The following TDRD1 variants were observed in gnomAD, a reference collection of about 807,000 sequenced individuals.
The protein encoded by TDRD1 is tudor domain-containing protein 1.
In TDRD1, 37 loss-of-function variants were observed where a neutral mutation model predicts 140.6. That is an observed-to-expected ratio of 0.26 (90% confidence interval 0.20 to 0.35). TDRD1 has a LOEUF of 0.35. Ranked by LOEUF, TDRD1 falls within the 10% of genes least tolerant of loss-of-function variation. The pLI is 1.00. For missense variants in TDRD1, 1,243 were observed against 1,393.0 expected (o/e 0.89, Z 1.71); for synonymous variants, 506 against 475.7 (o/e 1.06, Z -0.83).
chr10:114,176,012 G>C (rs922944629), upstream of TDRD1, among the ~76,000 whole-genome samples: 2 of 152,118 alleles, frequency 1.3e-5, no homozygotes, highest in South Asian at 4.1e-4. This position sits in a 1 kb window ranked among gnomAD's most constrained non-coding sequence, Gnocchi z 4.2. Flanking sequence ...ATTGCAGAAA[G>C]AAAGATAGAT....
exon 3 of TDRD1, chr10:114,191,015 A>G: frequency 6.2e-7 from 1 of 1,613,834 alleles, no homozygotes; most frequent in Middle Eastern, 1.7e-4. Flanking sequence ...AAAGAAGTGA[A>G]TATTGTAAGT....
intron 22 of TDRD1, among the ~76,000 whole-genome samples, chr10:114,226,637 A>G (rs2036454098): frequency 6.6e-6 from 1 of 152,230 alleles, no homozygotes; most frequent in Admixed American, 6.5e-5. Context: ...TGAAAGATAA[A>G]TCTGCATATA....
At chr10:114,175,573 A>G (rs2032675840), upstream of TDRD1, among the ~76,000 whole-genome samples, 1 of 152,228 alleles carries the variant, frequency 6.6e-6, no homozygotes, top group Non-Finnish European at 1.5e-5. Context: ...TCTAAAGAGC[A>G]TTGCCCAAAA....
At chr10:114,197,538 C>G (rs760614167) in intron 3 of TDRD1, among the ~76,000 whole-genome samples, 13 of 148,178 alleles carry the variant, frequency 8.8e-5, no homozygotes, top group Non-Finnish European at 1.9e-4. Flanking sequence ...TTTTTGTCAT[C>G]TTGATGTTGG....
At chr10:114,228,240 T>C (rs1046045694) in intron 25 of TDRD1, 8 of 1,444,358 alleles carry the variant, frequency 5.5e-6, no homozygotes, top group East Asian at 2.5e-5. Context: ...GGCTGTACTT[T>C]CGTGATTTAA....
upstream of TDRD1, among the ~76,000 whole-genome samples, chr10:114,176,621 A>G (rs1208604217): frequency 6.6e-6 from 1 of 152,184 alleles, no homozygotes; most frequent in Non-Finnish European, 1.5e-5. The surrounding 1 kb of genome is among the most constrained non-coding windows in gnomAD (Gnocchi z 4.2). Context: ...TAATTTTATG[A>G]TATTAAGAAA....
Position 114,227,194 on chromosome 10 carries a change from G to T in TDRD1, c.3298G>T (p.Val1100Phe), listed in dbSNP as rs1437402609. The T allele has an allele frequency of 3.1e-6, 5 of 1,613,974 alleles. No homozygotes were observed. In the South Asian group the frequency reaches 5.5e-5, roughly 18 times the overall value. ...TACAAAGAATGTCCATACAGTGTCA[G>T]TTGAGAAATGTTCTGAGAATGGGAC... The change falls in exon 23 of 26, where the codon GTT becomes TTT. Residue 1100 changes from valine to phenylalanine, a missense_variant. This residue lies in a region of TDRD1 where 601 missense variants were observed against 734.7 expected (regional missense o/e 0.82). Transcript: ENST00000251864.
chr10:114,183,700 C>CT (rs374468967), intron 1 of TDRD1, among the ~76,000 whole-genome samples: 12,504 of 129,574 alleles, frequency 0.097, 1,003 homozygotes, highest in African/African-American at 0.2. Flanking sequence ...TCACAGTTAA[C>CT]TTTTTTTTTT....
At chr10:114,190,697 A>G (rs2033900395) in intron 2 of TDRD1, among the ~76,000 whole-genome samples, 1 of 152,182 alleles carries the variant, frequency 6.6e-6, no homozygotes, top group African/African-American at 2.4e-5. Flanking sequence ...CATGTTGGTC[A>G]GGCTGGTCTT....
rs776696733 is a variant in TDRD1, at chr10:114,187,927, A to T, written c.96A>T (p.Glu32Asp). 8.1e-5 allele frequency: 131 copies of T among 1,613,382 alleles called. No homozygotes were observed. Among genetic ancestry groups the T allele is most frequent in the Non-Finnish European group, 1.1e-4 (128 of 1,179,892 alleles). The change falls in exon 2 of 26, where the codon GAA becomes GAT. Residue 32 changes from glutamate to aspartate, a missense_variant. Around this residue, in one of 5 missense-constraint regions of TDRD1, gnomAD observed 237 missense variants for 215.5 expected, o/e 1.10. Transcript: ENST00000251864. Reference sequence around the variant, plus strand: ...AGCCATTTAATTTTGAGAAAAATGAAAACAAGCTTCCACCACATGAGTCTT... The same window carrying T: ...AGCCATTTAATTTTGAGAAAAATGATAACAAGCTTCCACCACATGAGTCTT...
intron 11 of TDRD1, among the ~76,000 whole-genome samples, chr10:114,210,232 G>A (rs148015624): frequency 0.016 from 2,502 of 152,220 alleles, 30 homozygotes; most frequent in Non-Finnish European, 0.027. Flanking sequence ...CTAATCTGAT[G>A]TGTTTCTACT....
upstream of TDRD1, among the ~76,000 whole-genome samples, chr10:114,176,683 G>A (rs1038821026): frequency 6.6e-6 from 1 of 152,222 alleles, no homozygotes; most frequent in Admixed American, 6.5e-5. The surrounding 1 kb of genome is among the most constrained non-coding windows in gnomAD (Gnocchi z 4.2). Context: ...CTGAGGCAGG[G>A]TGATGGCTTG....
chr10:114,192,976 A>G (rs1300536723), intron 3 of TDRD1, among the ~76,000 whole-genome samples: 1 of 152,182 alleles, frequency 6.6e-6, no homozygotes, highest in Non-Finnish European at 1.5e-5. Context: ...CTCTACAAAA[A>G]ATATTGCTGG....
chr10:114,212,018 A>G (rs1452792778), exon 14 of TDRD1: 2 of 1,610,940 alleles, frequency 1.2e-6, no homozygotes, highest in South Asian at 1.1e-5. Context: ...AATGCAAGCT[A>G]TAAAGTGTGT....
exon 19 of TDRD1, chr10:114,220,599 A>T (rs759027477): frequency 6.2e-7 from 1 of 1,613,228 alleles, no homozygotes; most frequent in Non-Finnish European, 8.5e-7. Context: ...ATTGGTCTGA[A>T]GAAGCCATAA....
Position 114,222,463 on chromosome 10 carries a change from A to G in TDRD1, c.2891-124A>G, listed in dbSNP as rs201852940. On this transcript the variant is annotated intron_variant, in intron 20 of 25. Coordinates refer to ENST00000251864, the Ensembl canonical transcript of TDRD1. ...TCATGTATATTTTATATACATGTAT[A>G]TATTTTAAATATATTTTAATACACA... The G allele has an allele frequency of 5.7e-5, 25 of 439,592 alleles. No homozygotes were observed. In the East Asian group the frequency reaches 9.0e-4, roughly 16 times the overall value. The allele number at this position is 439,592 out of a possible 1,614,324, so 27.2% of individuals were successfully genotyped here. A position where few individuals can be genotyped will look rare whatever the true frequency, so the allele number is the denominator to read the frequency against.
At chr10:114,215,352 G>A (rs771839697) in intron 16 of TDRD1, among the ~76,000 whole-genome samples, 3 of 152,146 alleles carry the variant, frequency 2.0e-5, no homozygotes, top group Non-Finnish European at 2.9e-5. Flanking sequence ...TAGTGTTGCT[G>A]TGAACATTAC....
upstream of TDRD1, among the ~76,000 whole-genome samples, chr10:114,178,125 G>A (rs2032758128): frequency 6.6e-6 from 1 of 152,128 alleles, no homozygotes; most frequent in African/African-American, 2.4e-5. Flanking sequence ...TTACAGGCAT[G>A]AGCCCCCACG....
At chr10:114,213,994 G>A in exon 16 of TDRD1, 1 of 1,613,838 alleles carries the variant, frequency 6.2e-7, no homozygotes. Flanking sequence ...GGGTGTGGAA[G>A]GAAAAGTAAA....
Sources: allele counts gnomAD v4.1 joint callset (sites outside exome capture counted in the v4.1 genomes callset), GRCh38; gene constraint gnomAD v4.1.1; regional missense constraint gnomAD v4.1.1; non-coding constraint Gnocchi (gnomAD v3.1); transcripts MANE v1.5; gene names NCBI Gene and HGNC (gene_info 2026-07-23, HGNC 2026-07-21).